MAPK10: variants seen among roughly 807,000 people sequenced by gnomAD.
The protein encoded by MAPK10 is JNK3 alpha protein kinase.
Under a neutral mutation model 59.3 loss-of-function variants are expected in MAPK10, and 25 were observed. The observed-to-expected ratio is 0.42, with a 90% CI of 0.31 to 0.59. MAPK10 has a LOEUF of 0.59. Among genes scored for constraint, MAPK10 ranks in the 20% least tolerant of loss-of-function variants. The pLI is 0.15. For missense variants in MAPK10, 351 were observed against 568.9 expected, an observed-to-expected ratio of 0.62 and a Z score of 3.90; for synonymous variants, 190 against 200.5, an observed-to-expected ratio of 0.95 and a Z score of 0.44.
chr4:86,129,977 G>A (rs115864954), intron 4 of MAPK10, among the ~76,000 whole-genome samples: 2,943 of 152,186 alleles, frequency 0.019, 41 homozygotes, highest in South Asian at 0.065. Flanking sequence ...AAATGAAAAC[G>A]TGTGTATGAA....
Position 86,060,124 on chromosome 4 carries a change from C to T in MAPK10, c.1110+4142G>A, listed in dbSNP as rs529955882. 1.2e-4 allele frequency among the ~76,000 whole-genome samples: 19 copies of T among 152,318 alleles called. No homozygotes were observed. The South Asian group carries it at 3.9e-3, about 32-fold the overall frequency. ...AGCTTGGCCTCAACGCCTGTCCCAT[C>T]TTAGGGGATGGTTCTAATCTCAGGT... On this transcript the variant is annotated intron_variant, in intron 11 of 13. Transcript: ENST00000641462.
At chr4:86,196,017 T>C (rs1297122292) in intron 2 of MAPK10, among the ~76,000 whole-genome samples, 3 of 152,214 alleles carry the variant, frequency 2.0e-5, no homozygotes, top group African/African-American at 7.2e-5. Flanking sequence ...TGAACAGTGC[T>C]GCAATAAACA....
chr4:86,325,170 G>A (rs1042867975), intron 2 of MAPK10, among the ~76,000 whole-genome samples: 4 of 152,040 alleles, frequency 2.6e-5, no homozygotes, highest in East Asian at 1.9e-4. Flanking sequence ...AATAAAGCAC[G>A]CCACACCAAT....
intron 2 of MAPK10, among the ~76,000 whole-genome samples, chr4:86,202,712 AAATAAT>A: frequency 6.6e-6 from 1 of 151,988 alleles, no homozygotes; most frequent in South Asian, 2.1e-4. Flanking sequence ...GGCATGTGGG[AAATAAT>A]AACATCCAGC....
intron 2 of MAPK10, among the ~76,000 whole-genome samples, chr4:86,226,871 A>G (rs1247082013): frequency 6.6e-6 from 1 of 152,234 alleles, no homozygotes; most frequent in Non-Finnish European, 1.5e-5. Flanking sequence ...GCATTTGCCA[A>G]TATCATTTCA....
chr4:86,026,914 C>A (rs971093893), intron 13 of MAPK10: 3 of 152,042 alleles, frequency 2.0e-5, no homozygotes, highest in African/African-American at 7.2e-5. Flanking sequence ...ACAAAAACGC[C>A]CTGATTTGTA....
chr4:86,218,231 T>C (rs1267934939), intron 2 of MAPK10, among the ~76,000 whole-genome samples: 1 of 151,852 alleles, frequency 6.6e-6, no homozygotes, highest in Admixed American at 6.6e-5. Context: ...TGAGACGGAG[T>C]CTCACGCTGT....
intron 3 of MAPK10, among the ~76,000 whole-genome samples, chr4:86,190,786 TC>T (rs2079530895): frequency 6.6e-6 from 1 of 152,160 alleles, no homozygotes; most frequent in Admixed American, 6.5e-5. Context: ...TCCTCTGCTA[TC>T]TTTTGAAATT....
At chr4:86,315,518 C>T (rs2095763963) in intron 2 of MAPK10, among the ~76,000 whole-genome samples, 1 of 151,944 alleles carries the variant, frequency 6.6e-6, no homozygotes, top group African/African-American at 2.4e-5. Context: ...ATCCCATAAA[C>T]ATATACACCT....
chr4:86,434,825 T>C (rs1748496743), intron 1 of MAPK10, among the ~76,000 whole-genome samples: 1 of 152,210 alleles, frequency 6.6e-6, no homozygotes, highest in South Asian at 2.1e-4. Context: ...ATCAGTGTAT[T>C]GAAGAGACAT....
At position 86,050,160 on chromosome 4, in the gene MAPK10, TC is replaced by T. The variant is rs372868213; in HGVS notation, c.1110+14105del. 1.7e-4 allele frequency among the ~76,000 whole-genome samples: 26 copies of T among 152,230 alleles called. No individual in the cohort carries two copies. The East Asian group carries it at 5.0e-3, about 29-fold the overall frequency. On this transcript the variant is annotated intron_variant, in intron 11 of 13. Transcript: ENST00000641462. ...TGGTAACTCTTGCCCATCCTTTTGG[TC>T]CCATTTGAGGCTTTTCTTCCTCCTA...
intron 1 of MAPK10, among the ~76,000 whole-genome samples, chr4:86,585,252 C>G (rs1762581397): frequency 6.6e-6 from 1 of 152,142 alleles, no homozygotes; most frequent in African/African-American, 2.4e-5. Context: ...AGTAATCTCT[C>G]TTCATTTTTT....
At chr4:86,093,607 CA>C (rs1398077534) in intron 9 of MAPK10, among the ~76,000 whole-genome samples, 1 of 151,830 alleles carries the variant, frequency 6.6e-6, no homozygotes, top group East Asian at 1.9e-4. Context: ...TAAGAATGTA[CA>C]TATTTTGCAC....
intron 1 of MAPK10, among the ~76,000 whole-genome samples, chr4:86,377,747 T>C (rs1249934996): frequency 2.0e-5 from 3 of 152,168 alleles, no homozygotes; most frequent in Admixed American, 6.6e-5. Flanking sequence ...AGAGCAGCTA[T>C]ATTAGTCAGG....
chr4:86,173,946 GC>G (rs1267592859), intron 3 of MAPK10, among the ~76,000 whole-genome samples: 2 of 103,940 alleles, frequency 1.9e-5, no homozygotes, highest in Non-Finnish European at 3.9e-5. Flanking sequence ...AGTCAGAATG[GC>G]AATAATTAAA....
intron 2 of MAPK10, chr4:86,326,830 T>C (rs2096033675): frequency 6.6e-6 from 1 of 151,622 alleles, no homozygotes; most frequent in Non-Finnish European, 1.5e-5. Context: ...ATACACACAA[T>C]TACTTGATTT....
intron 1 of MAPK10, among the ~76,000 whole-genome samples, chr4:86,546,323 A>T (rs1049769737): frequency 6.6e-6 from 1 of 152,038 alleles, no homozygotes; most frequent in Non-Finnish European, 1.5e-5. Flanking sequence ...TGAGACGGGC[A>T]GATCACCTGA....
At chr4:86,128,068 G>A (rs1384608195) in intron 4 of MAPK10, among the ~76,000 whole-genome samples, 1 of 151,964 alleles carries the variant, frequency 6.6e-6, no homozygotes, top group Non-Finnish European at 1.5e-5. Context: ...GCTTAGACTG[G>A]AAAAACCATG....
At chr4:86,096,592 A>G (rs2054265389) in intron 9 of MAPK10, among the ~76,000 whole-genome samples, 1 of 151,998 alleles carries the variant, frequency 6.6e-6, no homozygotes, top group African/African-American at 2.4e-5. Flanking sequence ...TGACAAGTGC[A>G]TGAGAGAGAT....
Sources: allele counts gnomAD v4.1 joint callset (sites outside exome capture counted in the v4.1 genomes callset), GRCh38; gene constraint gnomAD v4.1.1; transcripts MANE v1.5; gene names NCBI Gene and HGNC (gene_info 2026-07-23, HGNC 2026-07-21).